The following PTPRD variants were observed in gnomAD, a reference collection of about 807,000 sequenced individuals.
The protein encoded by PTPRD is receptor-type tyrosine-protein phosphatase delta.
PTPRD carries 34 observed loss-of-function variants against 214.5 expected under a neutral mutation model. That is an observed-to-expected ratio of 0.16 (90% CI 0.12 to 0.21). PTPRD has a LOEUF of 0.21. Ranked by LOEUF, PTPRD falls within the 10% of genes least tolerant of loss-of-function variation. PTPRD has a pLI of 1.00. For synonymous variants in PTPRD, 1,128 were observed against 845.7 expected (o/e 1.33, Z -5.79); for missense variants, 2,545 against 2,398.7 (o/e 1.06, Z -1.27).
At chr9:10,173,152 T>C (rs966198753) in intron 3 of PTPRD, among the ~76,000 whole-genome samples, 4 of 152,196 alleles carry the variant, frequency 2.6e-5, no homozygotes, top group South Asian at 2.1e-4. Context: ...ATCAACATTT[T>C]ATTGTGATTA....
chr9:10,329,990 T>C (rs1167114690), intron 3 of PTPRD, among the ~76,000 whole-genome samples: 2 of 151,850 alleles, frequency 1.3e-5, no homozygotes, highest in East Asian at 3.9e-4. Context: ...GTAAAATCAC[T>C]GGATTAGGAA....
At chr9:9,694,912 G>C (rs898194216) in intron 7 of PTPRD, among the ~76,000 whole-genome samples, 4 of 152,138 alleles carry the variant, frequency 2.6e-5, no homozygotes, top group Non-Finnish European at 5.9e-5. Flanking sequence ...AAGAGCCTAA[G>C]CCTGGACTCG....
At chr9:9,897,184 G>A (rs1176216988) in intron 5 of PTPRD, among the ~76,000 whole-genome samples, 1 of 151,042 alleles carries the variant, frequency 6.6e-6, no homozygotes, top group Non-Finnish European at 1.5e-5. Context: ...CCCCCTGGGG[G>A]TTGGTAAAGG....
chr9:10,174,055 T>G (rs1369215622), intron 3 of PTPRD, among the ~76,000 whole-genome samples: 1 of 152,156 alleles, frequency 6.6e-6, no homozygotes, highest in Non-Finnish European at 1.5e-5. Context: ...TAATGAGCTT[T>G]TGTTTGGCAT....
intron 7 of PTPRD, among the ~76,000 whole-genome samples, chr9:9,638,986 C>T (rs889925163): frequency 3.3e-5 from 5 of 152,172 alleles, no homozygotes; most frequent in African/African-American, 1.2e-4. Context: ...CCACTCTGCC[C>T]TCATCACCAA....
chr9:8,927,091 A>C (rs2098903487), intron 11 of PTPRD, among the ~76,000 whole-genome samples: 1 of 152,142 alleles, frequency 6.6e-6, no homozygotes, highest in Admixed American at 6.6e-5. Context: ...GTTAGTAGCT[A>C]CATTTTTACT....
At chr9:8,502,825 C>A (rs893116484) in intron 23 of PTPRD, among the ~76,000 whole-genome samples, 5 of 146,298 alleles carry the variant, frequency 3.4e-5, no homozygotes, top group African/African-American at 1.3e-4. Context: ...TATAAAAAGT[C>A]TATTCAATAT....
chr9:9,142,325 G>C (rs2099861915), intron 10 of PTPRD, among the ~76,000 whole-genome samples: 1 of 152,220 alleles, frequency 6.6e-6, no homozygotes, highest in South Asian at 2.1e-4. Context: ...GGAGAGGTGG[G>C]TCAATGAGCA....
intron 9 of PTPRD, among the ~76,000 whole-genome samples, chr9:9,191,187 G>C (rs985572268): frequency 3.3e-5 from 5 of 152,136 alleles, no homozygotes; most frequent in African/African-American, 1.2e-4. Flanking sequence ...GAAAAAGCCA[G>C]TTACCACATG....
chr9:10,470,907 C>T (rs1414417413), intron 2 of PTPRD, among the ~76,000 whole-genome samples: 1 of 152,034 alleles, frequency 6.6e-6, no homozygotes, highest in East Asian at 1.9e-4. Context: ...ACCAAATGCC[C>T]ATCAATGAGA....
At chr9:10,107,450 C>G (rs886913145) in intron 3 of PTPRD, among the ~76,000 whole-genome samples, 1 of 151,996 alleles carries the variant, frequency 6.6e-6, no homozygotes, top group Admixed American at 6.6e-5. Flanking sequence ...CTGGAATTGC[C>G]GTTAGAATGA....
At chr9:10,072,062 A>C (rs906463846) in intron 3 of PTPRD, among the ~76,000 whole-genome samples, 1 of 151,962 alleles carries the variant, frequency 6.6e-6, no homozygotes, top group Non-Finnish European at 1.5e-5. Flanking sequence ...GAGAAGAAAA[A>C]GATTAAACAT....
At chr9:9,831,594 A>G (rs977306242) in intron 5 of PTPRD, among the ~76,000 whole-genome samples, 8 of 151,980 alleles carry the variant, frequency 5.3e-5, no homozygotes, top group Admixed American at 3.3e-4. Context: ...TGCAACAGAA[A>G]GTCAGTAATC....
intron 12 of PTPRD, among the ~76,000 whole-genome samples, chr9:8,660,658 T>C (rs1356976982): frequency 6.6e-6 from 1 of 152,146 alleles, no homozygotes; most frequent in African/African-American, 2.4e-5. Context: ...TAAACTGGAC[T>C]TGTTCTTTCT....
At chr9:8,613,630 C>T (rs545282741) in intron 14 of PTPRD, among the ~76,000 whole-genome samples, 2 of 152,184 alleles carry the variant, frequency 1.3e-5, no homozygotes, top group African/African-American at 2.4e-5. Flanking sequence ...CTAAAATTGC[C>T]CTGGTAATTT....
intron 11 of PTPRD, among the ~76,000 whole-genome samples, chr9:8,848,743 A>G (rs1452225887): frequency 6.6e-6 from 1 of 152,074 alleles, no homozygotes; most frequent in Non-Finnish European, 1.5e-5. Flanking sequence ...GAAACAGATA[A>G]AAGTTGGGAT....
intron 4 of PTPRD, among the ~76,000 whole-genome samples, chr9:9,984,397 C>A (rs1301278453): frequency 6.6e-6 from 1 of 152,140 alleles, no homozygotes; most frequent in Non-Finnish European, 1.5e-5. Flanking sequence ...GGGGTTCAGA[C>A]CTTATTGGAG....
In PTPRD at chr9:9,019,313, A is replaced by AAAGAAAGG. The variant is rs1554629292; in HGVS notation, c.-142-579_-142-578insCCTTTCTT. The stretch of plus-strand genomic sequence containing the variant: ...GAAAGAAAGAAAGAAAGAAAGAAAG[A>AAAGAAAGG]AAGAAAGAAAGAAAGAAAGAAAGAA... On this transcript the variant is annotated intron_variant, in intron 10 of 45. Transcript: ENST00000381196. Among the ~76,000 whole-genome samples the AAAGAAAGG allele has an allele frequency of 1.0e-4, 11 of 106,376 alleles. No individual in the cohort carries two copies. In the East Asian group the frequency reaches 1.2e-3, roughly 11 times the overall value. The allele number at this position is 106,376 out of a possible 152,430, so 69.8% of individuals were successfully genotyped here. A position where few individuals can be genotyped will look rare whatever the true frequency, so the allele number is the denominator to read the frequency against.
At chr9:10,607,675 T>C (rs866901433) in intron 2 of PTPRD, among the ~76,000 whole-genome samples, 9 of 152,068 alleles carry the variant, frequency 5.9e-5, no homozygotes, top group East Asian at 5.8e-4. Context: ...ATTGGTCATA[T>C]TGATTTTCCT....
Sources: gnomAD v4.1 joint callset for allele counts (sites outside exome capture counted in the v4.1 genomes callset) on GRCh38, gnomAD v4.1.1 for gene constraint, MANE v1.5 for transcripts, NCBI Gene and HGNC (gene_info 2026-07-23, HGNC 2026-07-21) for gene names.